ATG4C: variants seen among roughly 807,000 people sequenced by gnomAD.
ATG4C encodes cysteine protease ATG4C.
In ATG4C, 56 loss-of-function variants were observed where a neutral mutation model predicts 57.6. That is an observed-to-expected ratio of 0.97 (90% confidence interval 0.78 to 1.21). ATG4C has a LOEUF of 1.21. ATG4C is among the 50% of genes most tolerant of loss of function. The probability of loss-of-function intolerance (pLI) is 0.00; values close to 1 mark genes in which losing one functional copy is unlikely to be tolerated. For synonymous variants in ATG4C, 157 were observed against 174.1 expected (o/e 0.90, Z 0.78); for missense variants, 595 against 529.8 (o/e 1.12, Z -1.21).
intron 1 of ATG4C, among the ~76,000 whole-genome samples, chr1:62,789,927 T>G (rs1052273716): frequency 3.9e-5 from 6 of 152,096 alleles, no homozygotes; most frequent in Non-Finnish European, 8.8e-5. Context: ...CACTTTTTTT[T>G]TTTTTGAGAC....
chr1:62,825,171 G>A (rs928800370), intron 6 of ATG4C, among the ~76,000 whole-genome samples: 2 of 151,354 alleles, frequency 1.3e-5, no homozygotes, highest in African/African-American at 4.9e-5. Context: ...AGGAGGCGGA[G>A]GCTGCAGTGA....
intron 10 of ATG4C, among the ~76,000 whole-genome samples, chr1:62,852,661 T>C (rs1666552618): frequency 6.6e-6 from 1 of 152,198 alleles, no homozygotes; most frequent in South Asian, 2.1e-4. Flanking sequence ...TAATGTGCTA[T>C]GATTACATTT....
At chr1:62,814,502 G>T (rs1184921798) in intron 3 of ATG4C, among the ~76,000 whole-genome samples, 3 of 152,094 alleles carry the variant, frequency 2.0e-5, no homozygotes, top group Admixed American at 6.6e-5. Context: ...GTCAATGACA[G>T]GTTGATGGAT....
At chr1:62,838,409 C>G (rs187198273) in intron 9 of ATG4C, among the ~76,000 whole-genome samples, 13 of 152,302 alleles carry the variant, frequency 8.5e-5, no homozygotes, top group African/African-American at 3.1e-4. Context: ...GAAAGTTTAA[C>G]TTGTTCTGCA....
intron 10 of ATG4C, among the ~76,000 whole-genome samples, chr1:62,861,608 CACACACACACACACACACAG>C (rs200655679): frequency 0.23 from 31,213 of 136,324 alleles, 3,717 homozygotes; most frequent in East Asian, 0.52. Flanking sequence ...CACACACACA[CACACACACACACACACACAG>C]AGAGACACAA....
At chr1:62,799,789 T>C (rs546626138) in intron 1 of ATG4C, among the ~76,000 whole-genome samples, 7 of 152,320 alleles carry the variant, frequency 4.6e-5, no homozygotes, top group African/African-American at 1.7e-4. Context: ...GCTCTTTTAG[T>C]TATTTTTAAA....
At chr1:62,853,611 A>G (rs1666587264) in intron 10 of ATG4C, among the ~76,000 whole-genome samples, 1 of 151,904 alleles carries the variant, frequency 6.6e-6, no homozygotes, top group Non-Finnish European at 1.5e-5. Context: ...CACAACAGCT[A>G]ATTTTTACAT....
intron 10 of ATG4C, among the ~76,000 whole-genome samples, chr1:62,859,998 A>G (rs981423532): frequency 1.3e-5 from 2 of 152,200 alleles, no homozygotes; most frequent in African/African-American, 2.4e-5. Flanking sequence ...GTACAGCTCT[A>G]CAAAGATATT....
In ATG4C at chr1:62,841,503, C is replaced by T. The variant is rs142574206; in HGVS notation, c.1165C>T (p.Arg389Ter). Reference protein sequence around the residue: ...DPSCTIGFYCRNVQDFKRASE... With the variant: ...DPSCTIGFYC The stretch of plus-strand genomic sequence containing the variant: ...CAGCTGTACAATAGGATTTTACTGT[C>T]GAAATGTTCAGGACTTCAAACGAGC... Residue 389 changes from arginine to a stop codon, truncating the protein, a stop_gained, in exon 10 of 11, where the codon CGA becomes TGA. Transcript: ENST00000317868. LOFTEE classifies it high-confidence loss of function. 2.0e-4 allele frequency: 322 copies of T among 1,605,842 alleles called. 1 individual carries two copies. The highest frequency in any genetic ancestry group is 3.3e-4 in the Middle Eastern group (2 of 6,050).
intron 4 of ATG4C, among the ~76,000 whole-genome samples, chr1:62,817,186 A>T (rs975702103): frequency 4.6e-5 from 7 of 152,150 alleles, no homozygotes; most frequent in African/African-American, 1.7e-4. Context: ...GGTTAGTAAC[A>T]GTGATTTTGA....
In ATG4C at chr1:62,816,795, C is replaced by G; in HGVS notation, c.381C>G (p.His127Gln). Residue 127 changes from histidine to glutamine, a missense_variant, in exon 4 of 11, where the codon CAC becomes CAG. Physicochemically the swap from His to Gln is conservative, Grantham distance 24. Coordinates refer to ENST00000317868, the MANE Select transcript of ATG4C (RefSeq NM_032852.4). Reference sequence around the variant, plus strand: ...TCTTGGCTCAAGGACTCATACTACACTTTCTTGGTAGAGGTAAATCAAATT... The same window carrying G: ...TCTTGGCTCAAGGACTCATACTACAGTTTCTTGGTAGAGGTAAATCAAATT... ...QMLLAQGLIL[H>Q]FLGRAWTWPD... is the part of the protein sequence containing the mutation. The G allele has an allele frequency of 6.4e-7, 1 of 1,564,322 alleles. No individual in the cohort carries two copies. The highest frequency in any genetic ancestry group is 1.2e-5 in the South Asian group (1 of 83,446).
At chr1:62,835,259 T>C (rs1356821505) in intron 9 of ATG4C, 3 of 227,534 alleles carry the variant, frequency 1.3e-5, no homozygotes, top group Non-Finnish European at 2.8e-5. Flanking sequence ...GGTTATCTGC[T>C]AAATTATTTT....
chr1:62,799,107 GA>G (rs1057206241), intron 1 of ATG4C, among the ~76,000 whole-genome samples: 3 of 152,060 alleles, frequency 2.0e-5, no homozygotes, highest in African/African-American at 7.2e-5. Flanking sequence ...TTTATAGGGA[GA>G]AAAACTCACT....
At chr1:62,853,138 T>G (rs1219807098) in intron 10 of ATG4C, among the ~76,000 whole-genome samples, 1 of 152,246 alleles carries the variant, frequency 6.6e-6, no homozygotes, top group African/African-American at 2.4e-5. Context: ...AATTTTCCCC[T>G]GAACTTTAGA....
At chr1:62,803,891 A>C (rs981948291) in intron 2 of ATG4C, 29 bp downstream of exon 2, 1 of 1,350,160 alleles carries the variant, frequency 7.4e-7, no homozygotes, top group Non-Finnish European at 1.0e-6. Flanking sequence ...AAATTGTATA[A>C]ATCCAAAGAA....
Position 62,834,028 on chromosome 1 carries a change from T to C in ATG4C, c.934-10T>C. On this transcript the variant is annotated splice_polypyrimidine_tract_variant and intron_variant, in intron 7 of 10. Transcript: ENST00000317868. The stretch of plus-strand genomic sequence containing the variant: ...CTCTTGACTAAATCTGTATTAATTT[T>C]TTTTGGCAGGGTATTTTAAGCCTGG... The C allele has an allele frequency of 6.2e-7, 1 of 1,609,000 alleles. No individual in the cohort carries two copies. Among genetic ancestry groups the C allele is most frequent in the Non-Finnish European group, 8.5e-7 (1 of 1,177,724 alleles).
Position 62,864,083 on chromosome 1 carries a change from ATGAAG to A in ATG4C, c.1302_1306del (p.Asn434LysfsTer8). ...TATGATTTTACATCTACTACAACCA[ATGAAG>A]AAGACCTTTTTTCAGAGGATGAAAA... On this transcript the variant is annotated frameshift_variant, in exon 11 of 11. Coordinates refer to ENST00000317868, the MANE Select transcript of ATG4C (RefSeq NM_032852.4). LOFTEE classifies it high-confidence loss of function. 6.2e-7 allele frequency: 1 copy of A among 1,607,052 alleles called. No homozygotes were observed. Among genetic ancestry groups the A allele is most frequent in the Non-Finnish European group, 8.5e-7 (1 of 1,176,756 alleles).
Position 62,819,298 on chromosome 1 carries a change from G to C in ATG4C, c.688G>C (p.Asp230His). 1 of 1,611,254 alleles carries C rather than the reference G, an allele frequency of 6.2e-7. No homozygotes were observed. ...YGKKSGKKAG[D>H]WYGPAVVAHI... ...AAAGAAGTCTGGGAAAAAAGCAGGA[G>C]ATTGGTATGGACCAGCTGTGGTTGC... The change falls in exon 5 of 11, where the codon GAT (aspartate) becomes CAT (histidine). Residue 230 changes from aspartate to histidine, a missense_variant. Coordinates refer to ENST00000317868, the MANE Select transcript of ATG4C (RefSeq NM_032852.4).
intron 10 of ATG4C, among the ~76,000 whole-genome samples, chr1:62,845,843 A>G (rs562919164): frequency 4.6e-5 from 7 of 152,274 alleles, no homozygotes; most frequent in African/African-American, 1.7e-4. Flanking sequence ...CTGGGATTAC[A>G]GGTGTGCACC....
Sources: allele counts gnomAD v4.1 joint callset (sites outside exome capture counted in the v4.1 genomes callset), GRCh38; gene constraint gnomAD v4.1.1; transcripts MANE v1.5; gene names NCBI Gene and HGNC (gene_info 2026-07-23, HGNC 2026-07-21).